The following OR1L8 variants were observed in gnomAD, a reference collection of about 807,000 sequenced individuals.
OR1L8 encodes olfactory receptor family 1 subfamily L member 8.
For synonymous variants in OR1L8, 148 were observed against 147.0 expected (o/e 1.01, Z -0.05); for missense variants, 330 against 377.4 (o/e 0.87, Z 1.04).
At chr9:122,553,935 T>A in the OR1L8 span, 1 of 1,614,058 alleles carries the variant, frequency 6.2e-7, no homozygotes, top group Admixed American at 1.7e-5. Flanking sequence ...GAAGGCCTTC[T>A]CTACCTGTGG....
the OR1L8 span, chr9:122,553,889 G>A: frequency 6.2e-7 from 1 of 1,613,956 alleles, no homozygotes; most frequent in Non-Finnish European, 8.5e-7. Flanking sequence ...GCATTTTCTG[G>A]GCTGTGTTTG....
At chr9:122,581,103 C>T (rs921828522) in intron 1 of OR1L8, among the ~76,000 whole-genome samples, 7 of 152,138 alleles carry the variant, frequency 4.6e-5, no homozygotes, top group African/African-American at 1.4e-4. Context: ...CACAGTGGCT[C>T]ACACCTGTAA....
chr9:122,570,538 T>A (rs902753376), intron 4 of OR1L8, among the ~76,000 whole-genome samples: 2 of 152,198 alleles, frequency 1.3e-5, no homozygotes, highest in African/African-American at 2.4e-5. Flanking sequence ...AACACAAATA[T>A]CCACATTGTC....
At chr9:122,578,542 A>C (rs1829695730) in intron 1 of OR1L8, 97 bp from the exon 2 acceptor site, 2 of 152,146 alleles carry the variant, frequency 1.3e-5, no homozygotes. Context: ...AAAAATATGG[A>C]ACCAGCCCAA....
At chr9:122,551,746 G>A in the OR1L8 span, among the ~76,000 whole-genome samples, 7 of 152,214 alleles carry the variant, frequency 4.6e-5, no homozygotes, top group South Asian at 2.1e-4. Context: ...CAATGACACC[G>A]AGGTCGACCT....
chr9:122,554,228 T>TG, the OR1L8 span: 13 of 1,230,826 alleles, frequency 1.1e-5, no homozygotes, highest in African/African-American at 1.5e-5. Context: ...ACTTCAGTAA[T>TG]TCTACTACTG....
chr9:122,553,828 G>T, the OR1L8 span: 11 of 1,614,016 alleles, frequency 6.8e-6, no homozygotes, highest in Non-Finnish European at 9.3e-6. Flanking sequence ...ATCACCATGG[G>T]CTTGCTGTTC....
chr9:122,563,364 A>T (rs1484788550), downstream of OR1L8, among the ~76,000 whole-genome samples: 19 of 152,158 alleles, frequency 1.2e-4, no homozygotes, highest in Non-Finnish European at 2.2e-4. Context: ...GATTAGTGAT[A>T]CTGAGCATTT....
chr9:122,560,375 T>G, the OR1L8 span, among the ~76,000 whole-genome samples: 20 of 152,210 alleles, frequency 1.3e-4, no homozygotes, highest in Non-Finnish European at 7.3e-5. Flanking sequence ...GTCATCATGA[T>G]GCTAGCTGGT....
intron 4 of OR1L8, among the ~76,000 whole-genome samples, chr9:122,569,790 T>G (rs932933101): frequency 6.6e-6 from 1 of 152,140 alleles, no homozygotes; most frequent in African/African-American, 2.4e-5. Context: ...TAACTCGTCA[T>G]TTAGCATTAG....
chr9:122,574,263 G>A lies in OR1L8; in HGVS notation c.-341-1355C>T, dbSNP rs536661837. On this transcript the variant is annotated intron_variant, in intron 3 of 4. Transcript: ENST00000641027. The stretch of plus-strand genomic sequence containing the variant: ...AAAATAACTTGCTGGGATTTTGATC[G>A]GTATTGCATGGAATTTATACACCGA... 1.1e-4 allele frequency among the ~76,000 whole-genome samples: 16 copies of A among 152,034 alleles called. 1 individual carries two copies. In the South Asian group the frequency reaches 3.3e-3, roughly 32 times the overall value.
intron 1 of OR1L8, among the ~76,000 whole-genome samples, chr9:122,582,099 T>TAAG (rs1829745566): frequency 6.6e-6 from 1 of 152,200 alleles, no homozygotes; most frequent in Admixed American, 6.5e-5. Flanking sequence ...TTATTTTTTT[T>TAAG]AAGTCTAATT....
At chr9:122,563,395 T>C (rs1179566420), downstream of OR1L8, among the ~76,000 whole-genome samples, 2 of 152,222 alleles carry the variant, frequency 1.3e-5, no homozygotes, top group East Asian at 1.9e-4. Context: ...TTGTTGACCA[T>C]ATAGATGTCT....
downstream of OR1L8, among the ~76,000 whole-genome samples, chr9:122,566,369 T>C (rs1829426577): frequency 6.6e-6 from 1 of 152,208 alleles, no homozygotes; most frequent in Non-Finnish European, 1.5e-5. Flanking sequence ...TGAGGAAATA[T>C]TCTCCCTCCA....
At chr9:122,566,878 G>A (rs1035386257), downstream of OR1L8, among the ~76,000 whole-genome samples, 1 of 152,124 alleles carries the variant, frequency 6.6e-6, no homozygotes, top group Non-Finnish European at 1.5e-5. Flanking sequence ...GTGTGAAATG[G>A]ATAATTTCCA....
At chr9:122,571,059 ATGT>A (rs1342803458) in intron 4 of OR1L8, among the ~76,000 whole-genome samples, 4 of 152,192 alleles carry the variant, frequency 2.6e-5, no homozygotes, top group African/African-American at 9.6e-5. Flanking sequence ...CATTGGTGCT[ATGT>A]TTTCCTCACT....
At chr9:122,555,798 C>T in the OR1L8 span, among the ~76,000 whole-genome samples, 1 of 152,084 alleles carries the variant, frequency 6.6e-6, no homozygotes, top group East Asian at 1.9e-4. Flanking sequence ...ACTTTATGCC[C>T]CAACACACGC....
intron 1 of OR1L8, among the ~76,000 whole-genome samples, chr9:122,582,728 A>AT (rs1200584914): frequency 6.6e-6 from 1 of 152,052 alleles, no homozygotes; most frequent in African/African-American, 2.4e-5. Context: ...AAAAAAAGTT[A>AT]TTTTTTTAAG....
At chr9:122,558,521 C>G in the OR1L8 span, among the ~76,000 whole-genome samples, 2 of 151,440 alleles carry the variant, frequency 1.3e-5, no homozygotes, top group African/African-American at 4.8e-5. Context: ...TTCATACTTT[C>G]TGCAGTTAGA....
Sources: allele counts gnomAD v4.1 joint callset (sites outside exome capture counted in the v4.1 genomes callset), GRCh38; gene constraint gnomAD v4.1.1; transcripts MANE v1.5; gene names NCBI Gene and HGNC (gene_info 2026-07-23, HGNC 2026-07-21).